Variants in ARMC3 observed in about 807,000 individuals in gnomAD.
The protein encoded by ARMC3 is armadillo repeat-containing protein 3.
A neutral mutation model predicts 90.3 loss-of-function variants in ARMC3; 74 were observed. The observed-to-expected ratio is 0.82, with a 90% CI of 0.68 to 0.99. The LOEUF (loss-of-function observed/expected upper bound fraction) is 0.99, where lower values mean the gene tolerates loss of function less well. Ranked by LOEUF, ARMC3 falls within the 50% of genes least tolerant of loss-of-function variation. ARMC3 has a pLI of 0.00. For missense variants in ARMC3, 958 were observed against 1,042.8 expected (o/e 0.92, Z 1.12); for synonymous variants, 334 against 361.8 (o/e 0.92, Z 0.87).
rs1455705407 is a variant in ARMC3 at position 22,975,836 on chromosome 10, C to G, written c.917-5504C>G. On this transcript the variant is annotated intron_variant, in intron 8 of 18. Transcript: ENST00000298032. Reference sequence around the variant, plus strand: ...ACTTTGGATTCTTGTTTTTGTTTCACTTAATCTTTTTTCCTCATGAATACT... The same window carrying G: ...ACTTTGGATTCTTGTTTTTGTTTCAGTTAATCTTTTTTCCTCATGAATACT... 2.6e-5 allele frequency among the ~76,000 whole-genome samples: 4 copies of G among 152,138 alleles called. No homozygotes were observed. In the East Asian group the frequency reaches 7.7e-4, roughly 29 times the overall value.
intron 11 of ARMC3, 152 bp downstream of exon 11, chr10:22,998,549 CTTGT>C (rs749336299): frequency 1.8e-6 from 2 of 1,095,338 alleles, no homozygotes; most frequent in Non-Finnish European, 2.5e-6. Flanking sequence ...ATTGTCTTGT[CTTGT>C]TTGTTTAATT....
chr10:22,986,211 A>C (rs185671057), intron 10 of ARMC3, among the ~76,000 whole-genome samples: 170 of 149,956 alleles, frequency 1.1e-3, no homozygotes, highest in African/African-American at 4.1e-3. Flanking sequence ...AACACTGTCC[A>C]TCCCATAGTA....
chr10:23,036,292 G>T (rs759156577), intron 18 of ARMC3, among the ~76,000 whole-genome samples: 6 of 152,140 alleles, frequency 3.9e-5, no homozygotes, highest in Admixed American at 1.3e-4. Context: ...CTCTAAAAAT[G>T]ATAACCATGT....
chr10:22,993,669 A>G (rs1836815344), intron 10 of ARMC3, among the ~76,000 whole-genome samples: 3 of 152,226 alleles, frequency 2.0e-5, no homozygotes, highest in Admixed American at 2.0e-4. Context: ...TACCAGGTAC[A>G]GACATAGCAC....
rs1839199853 is a variant in ARMC3 at position 23,038,444 on chromosome 10, T to G, written c.*965T>G. The G allele has an allele frequency of 6.6e-6, 1 of 152,210 alleles. No individual in the cohort carries two copies. The highest frequency in any genetic ancestry group is 6.5e-5 in the Admixed American group (1 of 15,272). 9.4% of individuals were successfully genotyped at this position (152,210 alleles called of 1,614,324 possible). A position where few individuals can be genotyped will look rare whatever the true frequency, so the allele number is the denominator to read the frequency against. ...TTAAAGTGAATTTGATTTTAGAAAT[T>G]AAAGCTAAGATTATTTTGTATTAAT... On this transcript the variant is annotated 3_prime_UTR_variant, in exon 19 of 19. Transcript: ENST00000298032.
intron 10 of ARMC3, among the ~76,000 whole-genome samples, chr10:22,985,046 AT>A (rs535085393): frequency 0.034 from 2,851 of 83,438 alleles, 92 homozygotes; most frequent in African/African-American, 0.092. Context: ...TTAATTTTTC[AT>A]TTTTTTTTTT....
At chr10:23,008,979 G>T in intron 16 of ARMC3, 48 bp downstream of exon 16, 1 of 1,507,412 alleles carries the variant, frequency 6.6e-7, no homozygotes, top group East Asian at 2.3e-5. Flanking sequence ...GCTGGTGGAA[G>T]GGAGGGGTGG....
At chr10:23,003,178 AT>A in intron 12 of ARMC3, 67 bp from the exon 13 acceptor site, 1 of 1,420,470 alleles carries the variant, frequency 7.0e-7, no homozygotes, top group Non-Finnish European at 9.6e-7. Flanking sequence ...TGAAGTCGGT[AT>A]ATAAGTGGAG....
chr10:22,981,577 A>G lies in ARMC3; in HGVS notation c.1070-18A>G, dbSNP rs771099031. 5.6e-6 allele frequency: 9 copies of G among 1,613,860 alleles called. No homozygotes were observed. On this transcript the variant is annotated intron_variant, in intron 9 of 18. Transcript: ENST00000298032. ...TGGGCATTTTAAAAGTCACATTTTT[A>G]CCTTTCTCTTTCTGTAGGGATTCCA...
intron 16 of ARMC3, among the ~76,000 whole-genome samples, chr10:23,010,520 TCTC>T (rs1389163173): frequency 1.9e-5 from 1 of 51,562 alleles, no homozygotes; most frequent in Non-Finnish European, 3.6e-5. Flanking sequence ...CCTTCCCATC[TCTC>T]CTGTCTCCCT....
In ARMC3 at chr10:23,008,957, T is replaced by C. The variant is rs181957781; in HGVS notation, c.2045+26T>C. 20 of 1,590,732 alleles carry C rather than the reference T, an allele frequency of 1.3e-5. No individual in the cohort carries two copies. The East Asian group carries it at 2.2e-4, about 18-fold the overall frequency. On this transcript the variant is annotated intron_variant, in intron 16 of 18. Transcript: ENST00000298032. ...GTAAGAAAGTGTCCTGAGTTCCTCATTACCCAGCCAGGCTGGTGGAAGGGA... is the reference window on the plus strand; with the variant it reads ...GTAAGAAAGTGTCCTGAGTTCCTCACTACCCAGCCAGGCTGGTGGAAGGGA...
intron 6 of ARMC3, chr10:22,961,305 C>T (rs943580835): frequency 6.6e-6 from 1 of 152,182 alleles, no homozygotes; most frequent in Non-Finnish European, 1.5e-5. Context: ...CTTAAACTCC[C>T]CCAACCACCC....
chr10:22,992,239 C>G (rs1358112747), intron 10 of ARMC3, among the ~76,000 whole-genome samples: 1 of 152,204 alleles, frequency 6.6e-6, no homozygotes, highest in Non-Finnish European at 1.5e-5. Flanking sequence ...AACATGCATG[C>G]TCTTTGTGGA....
At chr10:22,985,046 ATT>A (rs535085393) in intron 10 of ARMC3, among the ~76,000 whole-genome samples, 11,733 of 82,828 alleles carry the variant, frequency 0.14, 633 homozygotes, top group East Asian at 0.25. Context: ...TTAATTTTTC[ATT>A]TTTTTTTTTT....
intron 3 of ARMC3, 41 bp from the exon 4 acceptor site, chr10:22,955,766 G>T (rs570665734): frequency 1.2e-6 from 2 of 1,609,184 alleles, no homozygotes; most frequent in South Asian, 2.2e-5. Context: ...TGATGAGATC[G>T]ATAATATCCA....
intron 18 of ARMC3, among the ~76,000 whole-genome samples, chr10:23,034,096 TCTTTCCTATTCC>T (rs977725143): frequency 3.3e-5 from 5 of 152,188 alleles, no homozygotes; most frequent in African/African-American, 4.8e-5. Flanking sequence ...AATTCTATTA[TCTTTCCTATTCC>T]CTTTCCTATT....
At chr10:22,991,388 T>A (rs775978293) in intron 10 of ARMC3, among the ~76,000 whole-genome samples, 5 of 152,182 alleles carry the variant, frequency 3.3e-5, no homozygotes, top group African/African-American at 4.8e-5. Context: ...ACAGCTGTTA[T>A]CATTTCACCC....
intron 13 of ARMC3, among the ~76,000 whole-genome samples, chr10:23,004,833 A>C (rs1209204408): frequency 6.6e-6 from 1 of 152,094 alleles, no homozygotes; most frequent in African/African-American, 2.4e-5. Flanking sequence ...CACACAAACC[A>C]CTGAGAAATT....
chr10:22,976,151 T>G (rs894782734), intron 8 of ARMC3, among the ~76,000 whole-genome samples: 1 of 152,220 alleles, frequency 6.6e-6, no homozygotes, highest in Non-Finnish European at 1.5e-5. Context: ...GTTCAGAGCT[T>G]TCTAAGAGGC....
Sources: allele counts gnomAD v4.1 joint callset (sites outside exome capture counted in the v4.1 genomes callset), GRCh38; gene constraint gnomAD v4.1.1; transcripts MANE v1.5; gene names NCBI Gene and HGNC (gene_info 2026-07-23, HGNC 2026-07-21).